EPHA5: variants seen among roughly 807,000 people sequenced by gnomAD.
EPHA5 encodes the protein EPH receptor A5.
Under a neutral mutation model 105.0 loss-of-function variants are expected in EPHA5, and 60 were observed. The ratio of observed to expected loss-of-function variants is 0.57; its 90% CI spans 0.46 to 0.71. The LOEUF (loss-of-function observed/expected upper bound fraction) is 0.71, where lower values mean the gene tolerates loss of function less well. Among genes scored for constraint, EPHA5 ranks in the 30% least tolerant of loss-of-function variants. EPHA5 has a pLI of 0.00. For missense variants in EPHA5, 1,218 were observed against 1,274.7 expected (o/e 0.96, Z 0.68); for synonymous variants, 513 against 449.1 (o/e 1.14, Z -1.80).
intron 7 of EPHA5, among the ~76,000 whole-genome samples, chr4:65,408,918 T>C (rs1226757250): frequency 6.6e-6 from 1 of 151,922 alleles, no homozygotes; most frequent in African/African-American, 2.4e-5. Flanking sequence ...TTATTAACAA[T>C]AGCAAAGACT....
chr4:65,340,325 A>T (rs1721591912), intron 14 of EPHA5, among the ~76,000 whole-genome samples: 1 of 152,134 alleles, frequency 6.6e-6, no homozygotes, highest in African/African-American at 2.4e-5. Context: ...CTCCATTCCC[A>T]GTGACTCTTG....
At chr4:65,544,809 G>A (rs941809310) in intron 3 of EPHA5, among the ~76,000 whole-genome samples, 1 of 151,848 alleles carries the variant, frequency 6.6e-6, no homozygotes, top group Non-Finnish European at 1.5e-5. Context: ...CAATAGCAAA[G>A]ACCTGTAACC....
chr4:65,415,305 G>T (rs971603607), intron 6 of EPHA5, among the ~76,000 whole-genome samples: 1 of 151,960 alleles, frequency 6.6e-6, no homozygotes, highest in African/African-American at 2.4e-5. Context: ...ACTTGCTTGG[G>T]TTTCCTCACA....
At chr4:65,599,410 ATC>A (rs1743494081) in intron 3 of EPHA5, among the ~76,000 whole-genome samples, 1 of 151,832 alleles carries the variant, frequency 6.6e-6, no homozygotes. Flanking sequence ...ACAGATAGAA[ATC>A]TCTCAACAAT....
chr4:65,343,824 T>A (rs2148830035), intron 14 of EPHA5, among the ~76,000 whole-genome samples: 1 of 150,270 alleles, frequency 6.7e-6, no homozygotes, highest in African/African-American at 2.5e-5. Context: ...ATTTAAATTC[T>A]TAGAAAACCA....
intron 11 of EPHA5, among the ~76,000 whole-genome samples, chr4:65,359,090 T>G (rs1723577947): frequency 6.6e-6 from 1 of 151,642 alleles, no homozygotes; most frequent in African/African-American, 2.4e-5. Context: ...TTTCATTTAC[T>G]AACTGTCAAT....
At chr4:65,467,192 A>C (rs76239570) in intron 5 of EPHA5, among the ~76,000 whole-genome samples, 1,664 of 152,312 alleles carry the variant, frequency 0.011, 10 homozygotes, top group Non-Finnish European at 0.018. Context: ...CAAGGAAAAA[A>C]GATAGGGTGC....
intron 7 of EPHA5, among the ~76,000 whole-genome samples, chr4:65,413,561 C>T (rs1723111648): frequency 1.3e-5 from 2 of 151,918 alleles, no homozygotes; most frequent in South Asian, 4.1e-4. Flanking sequence ...TCTTATGTAA[C>T]TTGGCTTAAA....
chr4:65,332,058 C>G lies in EPHA5; in HGVS notation c.2860G>C (p.Glu954Gln), dbSNP rs1398008541. The change falls in exon 16 of 17, where the codon GAG becomes CAG. Residue 954 changes from glutamate (E) to glutamine (Q), a missense_variant. Transcript: ENST00000613740. ...GTATACCGGCCCATCTTGATTGCCTCTAGCCATTCACCTACTGATCTGTAG... is the reference window on the plus strand; with the variant it reads ...GTATACCGGCCCATCTTGATTGCCTGTAGCCATTCACCTACTGATCTGTAG... The part of the protein sequence containing the change: ...GAYRSVGEWL[E>Q]AIKMGRYTEI... The G allele has an allele frequency of 8.7e-6, 14 of 1,611,824 alleles. No individual in the cohort carries two copies. The South Asian group carries it at 9.9e-5, about 11-fold the overall frequency.
chr4:65,625,288 GT>G (rs1395922621), intron 2 of EPHA5, among the ~76,000 whole-genome samples: 2 of 151,898 alleles, frequency 1.3e-5, no homozygotes. Flanking sequence ...CATAGATCTA[GT>G]TTTTTTTAAA....
chr4:65,455,500 G>T (rs74629527), intron 5 of EPHA5, among the ~76,000 whole-genome samples: 15 of 152,008 alleles, frequency 9.9e-5, no homozygotes, highest in Non-Finnish European at 1.9e-4. Flanking sequence ...CATAAGGAAC[G>T]CTGATCTGCT....
chr4:65,633,332 C>T (rs1390871197), intron 2 of EPHA5, among the ~76,000 whole-genome samples: 4 of 151,298 alleles, frequency 2.6e-5, no homozygotes, highest in African/African-American at 7.3e-5. Context: ...CATGGGAGCA[C>T]TGTCACAGGA....
At chr4:65,623,594 G>C (rs1745891667) in intron 2 of EPHA5, among the ~76,000 whole-genome samples, 1 of 152,036 alleles carries the variant, frequency 6.6e-6, no homozygotes, top group Admixed American at 6.6e-5. Flanking sequence ...TTGCAAGATG[G>C]GTATATGAAG....
Position 65,323,711 on chromosome 4 carries a change from A to G in EPHA5, c.*403T>C. 1 of 231,112 alleles carries G rather than the reference A, an allele frequency of 4.3e-6. No homozygotes were observed. Among genetic ancestry groups the G allele is most frequent in the Admixed American group, 5.7e-5 (1 of 17,658 alleles). 14.3% of individuals were successfully genotyped at this position (231,112 alleles called of 1,614,324 possible). A position where few individuals can be genotyped will look rare whatever the true frequency, so the allele number is the denominator to read the frequency against. ...ACTTCAGTAAACTGTAGCTTTTGTT[A>G]GCTCACAAATGGCTATAAAACATTT... is the stretch of plus-strand genomic sequence containing the variant. On this transcript the variant is annotated 3_prime_UTR_variant, in exon 17 of 17. Transcript: ENST00000613740.
At chr4:65,566,050 A>G (rs1418898164) in intron 3 of EPHA5, among the ~76,000 whole-genome samples, 1 of 151,690 alleles carries the variant, frequency 6.6e-6, no homozygotes, top group African/African-American at 2.4e-5. Flanking sequence ...CTTGTCTTTC[A>G]TAATTCCACT....
At chr4:65,511,544 A>G (rs1361336209) in intron 3 of EPHA5, among the ~76,000 whole-genome samples, 4 of 152,186 alleles carry the variant, frequency 2.6e-5, no homozygotes, top group African/African-American at 9.7e-5. Flanking sequence ...AATACAGTGC[A>G]TATGTGTATA....
intron 3 of EPHA5, among the ~76,000 whole-genome samples, chr4:65,518,470 G>A (rs936219825): frequency 6.6e-6 from 1 of 151,452 alleles, no homozygotes; most frequent in Non-Finnish European, 1.5e-5. Flanking sequence ...CCATATTCCT[G>A]TTTCAAATTT....
In EPHA5 at chr4:65,320,271, CTT is replaced by C. The variant is rs1719534938; in HGVS notation, c.*3841_*3842del. 4.4e-6 allele frequency: 1 copy of C among 229,876 alleles called. No individual in the cohort carries two copies. Among genetic ancestry groups the C allele is most frequent in the Non-Finnish European group, 8.6e-6 (1 of 116,012 alleles). The allele number at this position is 229,876 out of a possible 1,614,324, so 14.2% of individuals were successfully genotyped here. A position where few individuals can be genotyped will look rare whatever the true frequency, so the allele number is the denominator to read the frequency against. ...TGCTACAGAGTTGAAAAAATGATGA[CTT>C]ATTTTACTTATTAATGTCAAATAAA... On this transcript the variant is annotated 3_prime_UTR_variant, in exon 17 of 17. Coordinates refer to ENST00000613740, the MANE Select transcript of EPHA5 (RefSeq NM_001281766.3).
intron 5 of EPHA5, among the ~76,000 whole-genome samples, chr4:65,453,043 T>A (rs982560822): frequency 2.6e-5 from 4 of 152,184 alleles, no homozygotes; most frequent in African/African-American, 9.6e-5. Context: ...AGAATTATTA[T>A]AAGTTAAATG....
Sources: allele counts gnomAD v4.1 joint callset (sites outside exome capture counted in the v4.1 genomes callset), GRCh38; gene constraint gnomAD v4.1.1; transcripts MANE v1.5; gene names NCBI Gene and HGNC (gene_info 2026-07-23, HGNC 2026-07-21).